PANX1: variants seen among roughly 807,000 people sequenced by gnomAD.
The protein encoded by PANX1 is pannexin-1.
PANX1 carries 30 observed loss-of-function variants against 38.7 expected under a neutral mutation model. The observed-to-expected ratio is 0.78, with a 90% confidence interval of 0.58 to 1.05. The LOEUF (loss-of-function observed/expected upper bound fraction) is 1.05, where lower values mean the gene tolerates loss of function less well. Among genes scored for constraint, PANX1 ranks in the 50% least tolerant of loss-of-function variants. The pLI is 0.00. For synonymous variants in PANX1, 230 were observed against 212.2 expected, an observed-to-expected ratio of 1.08 and a Z score of -0.73; for missense variants, 551 against 517.2, an observed-to-expected ratio of 1.07 and a Z score of -0.63.
rs1191657720 is a variant in PANX1 at position 94,180,785 on chromosome 11, G to GA, written c.1202-4dup. 1.2e-5 allele frequency: 17 copies of GA among 1,441,726 alleles called. No homozygotes were observed. The Admixed American group carries it at 2.5e-4, about 21-fold the overall frequency. The allele number at this position is 1,441,726 out of a possible 1,614,324, so 89.3% of individuals were successfully genotyped here. A position where few individuals can be genotyped will look rare whatever the true frequency, so the allele number is the denominator to read the frequency against. On this transcript the variant is annotated splice_polypyrimidine_tract_variant and splice_region_variant and intron_variant, in intron 4 of 4. Transcript: ENST00000227638. Reference sequence around the variant, plus strand: ...GTCATAAATATTTGTTTTCAATTTTGACAGGTATGAACATAGACAGTGAAA... The same window carrying GA: ...GTCATAAATATTTGTTTTCAATTTTGAACAGGTATGAACATAGACAGTGAAA...
At chr11:94,146,728 G>T (rs1393356232) in intron 1 of PANX1, among the ~76,000 whole-genome samples, 2 of 152,192 alleles carry the variant, frequency 1.3e-5, no homozygotes, top group South Asian at 2.1e-4. Context: ...CATTAGGGTC[G>T]CAAATGACAG....
chr11:94,149,541 C>T (rs1033637329), intron 1 of PANX1, among the ~76,000 whole-genome samples: 9 of 152,320 alleles, frequency 5.9e-5, no homozygotes, highest in East Asian at 1.9e-4. Flanking sequence ...TTTGGCCAGA[C>T]GTACATAAAT....
intron 1 of PANX1, among the ~76,000 whole-genome samples, chr11:94,138,071 T>C (rs2134477573): frequency 6.6e-6 from 1 of 152,038 alleles, no homozygotes; most frequent in South Asian, 2.1e-4. Flanking sequence ...TTCAAGTGAT[T>C]GTATAATTCT....
chr11:94,139,021 A>C (rs1468014552), intron 1 of PANX1, among the ~76,000 whole-genome samples: 1 of 152,150 alleles, frequency 6.6e-6, no homozygotes, highest in Non-Finnish European at 1.5e-5. Context: ...CTAGCTGATA[A>C]TCCCCCCATT....
At chr11:94,134,458 CA>C (rs370698587) in intron 1 of PANX1, among the ~76,000 whole-genome samples, 70 of 152,222 alleles carry the variant, frequency 4.6e-4, no homozygotes, top group African/African-American at 1.6e-3. Context: ...TAGTGTGCTG[CA>C]GTTATGGACT....
At chr11:94,137,259 A>G (rs1366580962) in intron 1 of PANX1, among the ~76,000 whole-genome samples, 1 of 152,054 alleles carries the variant, frequency 6.6e-6, no homozygotes, top group Admixed American at 6.5e-5. Context: ...AGCTGAGATC[A>G]TGCCACTGTA....
intron 1 of PANX1, among the ~76,000 whole-genome samples, chr11:94,144,941 C>T (rs1172552761): frequency 6.6e-6 from 1 of 152,102 alleles, no homozygotes; most frequent in African/African-American, 2.4e-5. Context: ...GAATCTAATT[C>T]CTGTCTTATA....
intron 2 of PANX1, among the ~76,000 whole-genome samples, chr11:94,174,072 GCTT>G (rs1345644573): frequency 6.6e-6 from 1 of 151,436 alleles, no homozygotes; most frequent in Non-Finnish European, 1.5e-5. Context: ...GTCATCACAG[GCTT>G]CTTCCTGTGT....
rs139269836 is a variant in PANX1, at chr11:94,134,915, G to A, written c.181+5422G>A. ...ACCCAGTCTGTGGGATTTTCTTACA[G>A]CAGCCTGGTTGAAGACAAAACTATC... On this transcript the variant is annotated intron_variant, in intron 1 of 4. Coordinates refer to ENST00000227638, the MANE Select transcript of PANX1 (RefSeq NM_015368.4). 5.9e-4 allele frequency among the ~76,000 whole-genome samples: 90 copies of A among 152,280 alleles called. 1 individual carries two copies. The East Asian group carries it at 0.016, about 28-fold the overall frequency.
chr11:94,167,568 G>T (rs1176860499), intron 2 of PANX1, among the ~76,000 whole-genome samples: 4 of 152,192 alleles, frequency 2.6e-5, no homozygotes, highest in African/African-American at 9.7e-5. Flanking sequence ...AAACAAACCT[G>T]TTGGAGATCC....
At chr11:94,129,909 G>A (rs1477172280) in intron 1 of PANX1, among the ~76,000 whole-genome samples, 1 of 152,206 alleles carries the variant, frequency 6.6e-6, no homozygotes, top group African/African-American at 2.4e-5. Context: ...GTGAAGACCG[G>A]TGCTCCATGA....
At position 94,181,202 on chromosome 11, in the gene PANX1, G is replaced by A. The variant is rs1467119117; in HGVS notation, c.*333G>A. The stretch of plus-strand genomic sequence containing the variant: ...CTCGGAGCAATACCTTTCTGTACCC[G>A]TGGTGAGACAAGACCCAGAGCTACT... On this transcript the variant is annotated 3_prime_UTR_variant, in exon 5 of 5. Transcript: ENST00000227638. 5 of 227,714 alleles carry A rather than the reference G, an allele frequency of 2.2e-5. No individual in the cohort carries two copies. The highest frequency in any genetic ancestry group is 9.0e-5 in the East Asian group (1 of 11,132). 14.1% of individuals were successfully genotyped at this position (227,714 alleles called of 1,614,324 possible).
chr11:94,145,237 T>G (rs559083312), intron 1 of PANX1, among the ~76,000 whole-genome samples: 3 of 152,332 alleles, frequency 2.0e-5, no homozygotes, highest in Admixed American at 2.0e-4. Context: ...TACAGTACTC[T>G]CTGCTCTTTG....
At chr11:94,160,865 T>G (rs1400528223) in intron 2 of PANX1, among the ~76,000 whole-genome samples, 3 of 152,156 alleles carry the variant, frequency 2.0e-5, no homozygotes, top group Admixed American at 6.5e-5. Context: ...GCTGGTACCA[T>G]TTGTTCCTTT....
chr11:94,179,521 C>A, intron 3 of PANX1, 81 bp from the exon 4 acceptor site: 2 of 984,010 alleles, frequency 2.0e-6, no homozygotes, highest in Non-Finnish European at 1.5e-6. Context: ...TTTAGTGTGA[C>A]ATTGTTGAAT....
intron 2 of PANX1, among the ~76,000 whole-genome samples, chr11:94,172,219 A>G (rs1947178014): frequency 6.6e-6 from 1 of 151,550 alleles, no homozygotes; most frequent in African/African-American, 2.4e-5. Context: ...TCTGTGGTTA[A>G]GGTCAGGAAT....
chr11:94,157,819 G>A (rs1456709791), intron 2 of PANX1, among the ~76,000 whole-genome samples: 6 of 152,094 alleles, frequency 3.9e-5, no homozygotes, highest in Non-Finnish European at 8.8e-5. Flanking sequence ...CCTTGCCCAT[G>A]CCTATGTCCT....
At chr11:94,151,619 A>C (rs1946883276) in intron 1 of PANX1, among the ~76,000 whole-genome samples, 1 of 152,214 alleles carries the variant, frequency 6.6e-6, no homozygotes, top group African/African-American at 2.4e-5. Flanking sequence ...TGGTTGGCTT[A>C]GGAAGCATTT....
intron 2 of PANX1, among the ~76,000 whole-genome samples, chr11:94,172,261 A>T (rs367989099): frequency 6.6e-6 from 1 of 151,584 alleles, no homozygotes; most frequent in African/African-American, 2.4e-5. Context: ...GGAGATTCTG[A>T]TGTGAGCCCA....
Sources: allele counts gnomAD v4.1 joint callset (sites outside exome capture counted in the v4.1 genomes callset), GRCh38; gene constraint gnomAD v4.1.1; transcripts MANE v1.5; gene names NCBI Gene and HGNC (gene_info 2026-07-23, HGNC 2026-07-21).